Variants in ZNF304 observed in about 807,000 individuals in gnomAD.
ZNF304 encodes zinc finger protein 304.
A neutral mutation model predicts 7.8 loss-of-function variants in ZNF304; 7 were observed. The ratio of observed to expected loss-of-function variants is 0.90; its 90% CI spans 0.51 to 1.69. The LOEUF (loss-of-function observed/expected upper bound fraction) is 1.69. ZNF304 is among the 40% of genes most tolerant of loss of function. ZNF304 has a pLI of 0.00. For synonymous variants in ZNF304, 280 were observed against 272.4 expected (o/e 1.03, Z -0.27); for missense variants, 669 against 804.8 (o/e 0.83, Z 2.04).
intron 1 of ZNF304, among the ~76,000 whole-genome samples, chr19:57,353,135 C>T (rs2088295660): frequency 1.3e-5 from 2 of 152,160 alleles, no homozygotes; most frequent in South Asian, 4.1e-4. Flanking sequence ...AAACTGGACA[C>T]TGAGAGAAAA....
In ZNF304 at chr19:57,351,292, C is replaced by T. The variant is rs187850868; in HGVS notation, c.-373C>T. On this transcript the variant is annotated 5_prime_UTR_variant, in exon 1 of 3. Transcript: ENST00000282286. This position sits in a 1 kb window ranked among gnomAD's most constrained non-coding sequence, Gnocchi z 4.1. ...TGACGTATTTTTCCTATGCCCGGTCCGTGCATTCTGGTTGTGAAGGCTGAG... is the reference window on the plus strand; with the variant it reads ...TGACGTATTTTTCCTATGCCCGGTCTGTGCATTCTGGTTGTGAAGGCTGAG... The T allele has an allele frequency of 2.7e-3, 689 of 256,132 alleles. 6 individuals carry two copies. The highest frequency in any genetic ancestry group is 0.014 in the African/African-American group (602 of 44,224). The allele number at this position is 256,132 out of a possible 1,614,324, so 15.9% of individuals were successfully genotyped here.
At position 57,356,086 on chromosome 19, in the gene ZNF304, G is replaced by C; in HGVS notation, c.217G>C (p.Gly73Arg). Reference sequence around the variant, plus strand: ...TTCTGAGCAGAGCGTTTCTGTAGAAGGAGTGTCACAGGTCAGGACTGCTGA... The same window carrying C: ...TTCTGAGCAGAGCGTTTCTGTAGAACGAGTGTCACAGGTCAGGACTGCTGA... ...APSEQSVSVE[G>R]VSQVRTAESG... Residue 73 changes from glycine to arginine, a missense_variant, in exon 3 of 3, where the codon GGA (glycine) becomes CGA (arginine). Physicochemically the swap from Gly to Arg is moderately radical, Grantham distance 125. Coordinates refer to ENST00000282286, the MANE Select transcript of ZNF304 (RefSeq NM_020657.4). 3.1e-6 allele frequency: 5 copies of C among 1,614,206 alleles called. No individual in the cohort carries two copies. Among genetic ancestry groups the C allele is most frequent in the Non-Finnish European group, 4.2e-6 (5 of 1,180,002 alleles).
At position 57,357,939 on chromosome 19, in the gene ZNF304, C is replaced by A; in HGVS notation, c.*90C>A. ...TCATAGGACTCACACCAGAGCAATG[C>A]TCTGTGAGTACCCTTTGTGAGGGAA... is the stretch of plus-strand genomic sequence containing the variant. On this transcript the variant is annotated 3_prime_UTR_variant, in exon 3 of 3. Coordinates refer to ENST00000282286, the MANE Select transcript of ZNF304 (RefSeq NM_020657.4). 2 of 1,465,376 alleles carry A rather than the reference C, an allele frequency of 1.4e-6. No individual in the cohort carries two copies. The highest frequency in any genetic ancestry group is 1.8e-6 in the Non-Finnish European group (2 of 1,093,486). The allele number at this position is 1,465,376 out of a possible 1,614,324, so 90.8% of individuals were successfully genotyped here.
Position 57,358,710 on chromosome 19 carries a change from T to C in ZNF304, c.*861T>C, listed in dbSNP as rs542815189. 17 of 152,366 alleles carry C rather than the reference T, an allele frequency of 1.1e-4. No individual in the cohort carries two copies. The highest frequency in any genetic ancestry group is 3.8e-4 in the African/African-American group (16 of 41,590). The allele number at this position is 152,366 out of a possible 1,614,324, so 9.4% of individuals were successfully genotyped here. A position where few individuals can be genotyped will look rare whatever the true frequency, so the allele number is the denominator to read the frequency against. ...TTGCTAGGAAAGACTGAAAAAATTT[T>C]TGTGCCTAACTTTGTGGCCTGGCTG... On this transcript the variant is annotated 3_prime_UTR_variant, in exon 3 of 3. Coordinates refer to ENST00000282286, the MANE Select transcript of ZNF304 (RefSeq NM_020657.4).
chr19:57,356,922 T>G lies in ZNF304; in HGVS notation c.1053T>G (p.Val351=), dbSNP rs775197773. 5.6e-6 allele frequency: 9 copies of G among 1,614,068 alleles called. No individual in the cohort carries two copies. The highest frequency in any genetic ancestry group is 7.6e-6 in the Non-Finnish European group (9 of 1,180,006). The part of the protein sequence containing the change: ...GKAYSRSSHL[V]QHQRIHTGER... ...CCTACAGCAGAAGCTCCCACCTTGT[T>G]CAGCACCAGAGAATTCACACAGGAG... The change falls in exon 3 of 3, where the codon GTT becomes GTG. Residue 351 remains valine, a synonymous_variant. Coordinates refer to ENST00000282286, the MANE Select transcript of ZNF304 (RefSeq NM_020657.4).
chr19:57,352,105 G>T, intron 1 of ZNF304: 1 of 192,422 alleles, frequency 5.2e-6, no homozygotes, highest in Non-Finnish European at 1.1e-5. Flanking sequence ...AGGGATTATA[G>T]GGTAGACGGG....
At chr19:57,355,482 GC>G in intron 2 of ZNF304, 1 of 677,796 alleles carries the variant, frequency 1.5e-6, no homozygotes, top group Non-Finnish European at 2.7e-6. Flanking sequence ...TGTTGCCAAG[GC>G]CCATAGTGAT....
intron 1 of ZNF304, chr19:57,352,800 G>A (rs534778013): frequency 1.3e-5 from 2 of 152,392 alleles, no homozygotes; most frequent in East Asian, 3.9e-4. Context: ...GATGCGAAAG[G>A]TGAAAGAGAG....
Position 57,356,366 on chromosome 19 carries a change from C to T in ZNF304, c.497C>T (p.Ser166Phe). 3 of 1,614,142 alleles carry T rather than the reference C, an allele frequency of 1.9e-6. No individual in the cohort carries two copies. Among genetic ancestry groups the T allele is most frequent in the Middle Eastern group, 3.3e-4 (2 of 6,058 alleles). The change falls in exon 3 of 3, where the codon TCC (serine) becomes TTC (phenylalanine). Residue 166 changes from serine (S) to phenylalanine (F), a missense_variant. Coordinates refer to ENST00000282286, the MANE Select transcript of ZNF304 (RefSeq NM_020657.4). Reference protein sequence around the residue: ...KSCTVHMLGRSFTCREEGMDL... With the variant: ...KSCTVHMLGRFFTCREEGMDL... ...TGTACAGTCCACATGTTAGGGAGATCCTTTACGTGCAGGGAGGAAGGGATG... is the reference window on the plus strand; with the variant it reads ...TGTACAGTCCACATGTTAGGGAGATTCTTTACGTGCAGGGAGGAAGGGATG...
intron 2 of ZNF304, chr19:57,355,437 C>A: frequency 1.4e-6 from 1 of 735,290 alleles, no homozygotes; most frequent in South Asian, 1.4e-5. Flanking sequence ...GGGTTCAAAT[C>A]GAACCTTCAA....
Position 57,356,459 on chromosome 19 carries a change from G to A in ZNF304, c.590G>A (p.Arg197Lys). The A allele has an allele frequency of 6.2e-7, 1 of 1,614,104 alleles. No individual in the cohort carries two copies. The highest frequency in any genetic ancestry group is 1.1e-5 in the South Asian group (1 of 91,072). The change falls in exon 3 of 3, where the codon AGG (arginine) becomes AAG (lysine). Residue 197 changes from arginine to lysine, a missense_variant. Transcript: ENST00000282286. ...TTYNRVSPCR[R>K]TECMESFPHS... is the part of the protein sequence containing the mutation. Reference sequence around the variant, plus strand: ...TACAATAGGGTGAGTCCATGCAGAAGGACTGAATGCATGGAGTCTTTCCCA... The same window carrying A: ...TACAATAGGGTGAGTCCATGCAGAAAGACTGAATGCATGGAGTCTTTCCCA...
At position 57,351,720 on chromosome 19, in the gene ZNF304, C is replaced by T. The variant is rs1216676863; in HGVS notation, c.33+23C>T. ...CAGGTGAGTGGGGGCATCCCTCAAG[C>T]GCACCCCGGCCTGGTTGGTGTGTCC... On this transcript the variant is annotated intron_variant, in intron 1 of 2. Coordinates refer to ENST00000282286, the MANE Select transcript of ZNF304 (RefSeq NM_020657.4). This position sits in a 1 kb window ranked among gnomAD's most constrained non-coding sequence, Gnocchi z 4.1. The T allele has an allele frequency of 6.2e-7, 1 of 1,606,324 alleles. No homozygotes were observed. Among genetic ancestry groups the T allele is most frequent in the Non-Finnish European group, 8.5e-7 (1 of 1,175,956 alleles).
intron 2 of ZNF304, 23 bp from the exon 3 acceptor site, chr19:57,356,007 C>T: frequency 6.3e-7 from 1 of 1,582,288 alleles, no homozygotes; most frequent in Non-Finnish European, 8.6e-7. Context: ...GCATGCACTT[C>T]ACCAGCTCTT....
In ZNF304 at chr19:57,351,437, G is replaced by T. The variant is rs555170055; in HGVS notation, c.-228G>T. The T allele has an allele frequency of 1.7e-6, 1 of 585,148 alleles. No individual in the cohort carries two copies. Among genetic ancestry groups the T allele is most frequent in the Non-Finnish European group, 3.0e-6 (1 of 328,914 alleles). The allele number at this position is 585,148 out of a possible 1,614,324, so 36.2% of individuals were successfully genotyped here. On this transcript the variant is annotated 5_prime_UTR_variant, in exon 1 of 3. Transcript: ENST00000282286. This position sits in a 1 kb window ranked among gnomAD's most constrained non-coding sequence, Gnocchi z 4.1. The stretch of plus-strand genomic sequence containing the variant: ...CAATCCATGACCCCTGTCGTGGGAC[G>T]GGCGGCCTCTCGCGGAGGTGTCTGC...
intron 1 of ZNF304, among the ~76,000 whole-genome samples, chr19:57,353,111 C>G (rs779330615): frequency 1.3e-5 from 2 of 152,128 alleles, no homozygotes; most frequent in Non-Finnish European, 2.9e-5. Flanking sequence ...TGCTGTTATT[C>G]AGTAAGAAAG....
At chr19:57,352,080 C>T in intron 1 of ZNF304, 1 of 226,308 alleles carries the variant, frequency 4.4e-6, no homozygotes, top group South Asian at 1.2e-4. Context: ...CCTCTGGCTG[C>T]AGAGTGGGTA....
chr19:57,357,608 T>C lies in ZNF304; in HGVS notation c.1739T>C (p.Val580Ala). The change falls in exon 3 of 3, where the codon GTT becomes GCT. Residue 580 changes from valine to alanine, a missense_variant. Physicochemically the swap from Val to Ala is moderately conservative, Grantham distance 64. Transcript: ENST00000282286. ...TCCCACCTTGTTCAACACAAGAAAG[T>C]TCACACTGGAGCAAGACCTTATGAG... Reference protein sequence around the residue: ...SSSHLVQHKKVHTGARPYECS... With the variant: ...SSSHLVQHKKAHTGARPYECS... 1 of 1,614,194 alleles carries C rather than the reference T, an allele frequency of 6.2e-7. No individual in the cohort carries two copies. The highest frequency in any genetic ancestry group is 8.5e-7 in the Non-Finnish European group (1 of 1,180,034).
In ZNF304 at chr19:57,356,866, A is replaced by C. The variant is rs771674428; in HGVS notation, c.997A>C (p.Arg333=). The change falls in exon 3 of 3, where the codon AGA becomes CGA. Residue 333 remains arginine (R), a synonymous_variant. Coordinates refer to ENST00000282286, the MANE Select transcript of ZNF304 (RefSeq NM_020657.4). The part of the protein sequence containing the change: ...VQHQRVHTGE[R]SYDCSECGKA... ...GCATCAGAGAGTTCACACTGGAGAA[A>C]GATCTTATGACTGCAGTGAATGTGG... is the stretch of plus-strand genomic sequence containing the variant. The C allele has an allele frequency of 2.5e-6, 4 of 1,614,134 alleles. No homozygotes were observed. Among genetic ancestry groups the C allele is most frequent in the Non-Finnish European group, 3.4e-6 (4 of 1,180,024 alleles).
rs1424084915 is a variant in ZNF304 at position 57,357,540 on chromosome 19, G to A, written c.1671G>A (p.Arg557=). 5 of 1,613,792 alleles carry A rather than the reference G, an allele frequency of 3.1e-6. No individual in the cohort carries two copies. In the East Asian group the frequency reaches 1.1e-4, roughly 36 times the overall value. Residue 557 remains arginine, a synonymous_variant, in exon 3 of 3, where the codon AGG becomes AGA. Coordinates refer to ENST00000282286, the MANE Select transcript of ZNF304 (RefSeq NM_020657.4). ...ACCAGAGAGTTCACACAGGAGCAAG[G>A]CCTTATGTGTGCAGTGAATGTGGGA... ...ILHQRVHTGA[R]PYVCSECGKA...
Sources: gnomAD v4.1 joint callset for allele counts (sites outside exome capture counted in the v4.1 genomes callset) on GRCh38, gnomAD v4.1.1 for gene constraint, Gnocchi (gnomAD v3.1) non-coding constraint, MANE v1.5 for transcripts, NCBI Gene and HGNC (gene_info 2026-07-23, HGNC 2026-07-21) for gene names.